The following MCM7 variants were observed in gnomAD, a reference collection of about 807,000 sequenced individuals.
MCM7 encodes the protein minichromosome maintenance complex component 7.
Under a neutral mutation model 83.5 loss-of-function variants are expected in MCM7, and 95 were observed. The observed-to-expected ratio is 1.14, with a 90% CI of 0.96 to 1.35. The LOEUF (loss-of-function observed/expected upper bound fraction) is 1.35. Among genes scored for constraint, MCM7 ranks in the 40% most tolerant of loss-of-function variants. The probability of loss-of-function intolerance (pLI) is 0.00; values close to 1 mark genes in which losing one functional copy is unlikely to be tolerated. For missense variants in MCM7, 1,087 were observed against 957.4 expected (o/e 1.14, Z -1.79); for synonymous variants, 461 against 352.7 (o/e 1.31, Z -3.44).
In MCM7 at chr7:100,100,468, T is replaced by TCCGCCACCGCACC. The variant is rs200080836; in HGVS notation, c.32-388_32-376dup. On this transcript the variant is annotated intron_variant, in intron 1 of 14. Coordinates refer to ENST00000303887, the MANE Select transcript of MCM7 (RefSeq NM_005916.5). ...CTTAGCCCCTGATTTCACCGGGACC[T>TCCGCCACCGCACC]CCGCCACCGCACCCCGCCACCGCAC... 800 of 995,048 alleles carry TCCGCCACCGCACC rather than the reference T, an allele frequency of 8.0e-4. 2 individuals are homozygous for TCCGCCACCGCACC. The highest frequency in any genetic ancestry group is 4.5e-3 in the African/African-American group (256 of 57,172). 61.6% of individuals were successfully genotyped at this position (995,048 alleles called of 1,614,324 possible).
At chr7:100,096,681 A>G (rs1795651415) in intron 10 of MCM7, among the ~76,000 whole-genome samples, 2 of 152,024 alleles carry the variant, frequency 1.3e-5, no homozygotes. Flanking sequence ...AGGCCGAAGC[A>G]GGAGAATTGC....
chr7:100,101,184 CA>C, intron 1 of MCM7, 79 bp downstream of exon 1: 1 of 1,577,976 alleles, frequency 6.3e-7, no homozygotes, highest in Non-Finnish European at 8.7e-7. Context: ...CCCGGTCCCC[CA>C]AGACCCCAGC....
chr7:100,093,731 G>A, intron 13 of MCM7: 1 of 640,838 alleles, frequency 1.6e-6, no homozygotes, highest in South Asian at 1.4e-5. Flanking sequence ...AGCTTGGGGA[G>A]CTCAGCCAAG....
At position 100,101,370 on chromosome 7, in the gene MCM7, G is replaced by T; in HGVS notation, c.-76C>A. ...CTGGGGAAGCTGAGAATCTCCGCGC[G>T]GTGGACTGTGGCCGGCCAACCGAAA... On this transcript the variant is annotated 5_prime_UTR_variant, in exon 1 of 15. Coordinates refer to ENST00000303887, the MANE Select transcript of MCM7 (RefSeq NM_005916.5). The T allele has an allele frequency of 1.3e-6, 2 of 1,592,726 alleles. No individual in the cohort carries two copies. The highest frequency in any genetic ancestry group is 1.7e-6 in the Non-Finnish European group (2 of 1,166,220).
chr7:100,098,050 T>C (rs1795736957), intron 7 of MCM7, 91 bp downstream of exon 7: 3 of 1,582,298 alleles, frequency 1.9e-6, no homozygotes, highest in Non-Finnish European at 2.6e-6. Context: ...CTGTTTTGTT[T>C]GGGGTTTTGC....
At chr7:100,100,643 CA>C (rs1795940730) in intron 1 of MCM7, 1 of 989,952 alleles carries the variant, frequency 1.0e-6, no homozygotes, top group African/African-American at 1.7e-5. Flanking sequence ...ACCGCGATCC[CA>C]GCCCACTGCC....
At position 100,094,357 on chromosome 7, in the gene MCM7, CATGGGGAAGCAGAAGAGGGAG is replaced by C. The variant is rs757770601; in HGVS notation, c.1680-37_1680-17del. The stretch of plus-strand genomic sequence containing the variant: ...TATGTAACGCCTGTGGGGGAAGGTT[CATGGGGAAGCAGAAGAGGGAG>C]ATGGGGAAGGGAGTGAATATGAGCC... On this transcript the variant is annotated splice_polypyrimidine_tract_variant and intron_variant, in intron 12 of 14. Transcript: ENST00000303887. 1.9e-6 allele frequency: 3 copies of C among 1,613,468 alleles called. No individual in the cohort carries two copies. In the Admixed American group the frequency reaches 5.0e-5, roughly 27 times the overall value.
rs1308584154 is a variant in MCM7 at position 100,101,362 on chromosome 7, C to A, written c.-68G>T. 79 of 1,604,136 alleles carry A rather than the reference C, an allele frequency of 4.9e-5. No individual in the cohort carries two copies. Among genetic ancestry groups the A allele is most frequent in the Non-Finnish European group, 6.7e-5 (79 of 1,174,676 alleles). On this transcript the variant is annotated 5_prime_UTR_variant, in exon 1 of 15. Coordinates refer to ENST00000303887, the MANE Select transcript of MCM7 (RefSeq NM_005916.5). Reference sequence around the variant, plus strand: ...TCTTGCTCCTGGGGAAGCTGAGAATCTCCGCGCGGTGGACTGTGGCCGGCC... The same window carrying A: ...TCTTGCTCCTGGGGAAGCTGAGAATATCCGCGCGGTGGACTGTGGCCGGCC...
Position 100,099,597 on chromosome 7 carries a change from C to CCTTGTACTGAGGCAGCAGCT in MCM7, c.248_267dup (p.Glu90SerfsTer12), listed in dbSNP as rs765735120. 6.2e-7 allele frequency: 1 copy of CCTTGTACTGAGGCAGCAGCT among 1,613,972 alleles called. No individual in the cohort carries two copies. The highest frequency in any genetic ancestry group is 1.1e-5 in the South Asian group (1 of 91,082). ...GTTCTCTAACCACTCACTTCCCTCT[C>CCTTGTACTGAGGCAGCAGCT]CTTGTACTGAGGCAGCAGCTCTTGT... On this transcript the variant is annotated frameshift_variant, in exon 3 of 15. Transcript: ENST00000303887. LOFTEE classifies it high-confidence loss of function.
intron 11 of MCM7, 91 bp from the exon 12 acceptor site, chr7:100,095,561 TCA>T: frequency 2.9e-6 from 4 of 1,381,964 alleles, no homozygotes; most frequent in South Asian, 2.6e-5. Flanking sequence ...TGCCACTTCC[TCA>T]CAGTGTAGGA....
At chr7:100,099,863 C>A in intron 2 of MCM7, 110 bp from the exon 3 acceptor site, 4 of 1,479,664 alleles carry the variant, frequency 2.7e-6, no homozygotes, top group Non-Finnish European at 3.7e-6. Flanking sequence ...TGGGCATCCA[C>A]AGGGGAGAAC....
intron 3 of MCM7, 29 bp from the exon 4 acceptor site, chr7:100,099,432 AAAAAG>A (rs747954836): frequency 6.9e-6 from 11 of 1,587,816 alleles, no homozygotes; most frequent in Non-Finnish European, 9.4e-6. Context: ...AAAAAAAAAA[AAAAAG>A]AGCAACAGGA....
chr7:100,100,897 T>A, intron 1 of MCM7: 1 of 1,054,052 alleles, frequency 9.5e-7, no homozygotes, highest in African/African-American at 1.7e-5. Context: ...CGCGGGAACC[T>A]GGGAATGCCC....
At chr7:100,093,808 A>G in intron 13 of MCM7, 1 of 621,534 alleles carries the variant, frequency 1.6e-6, no homozygotes, top group South Asian at 1.4e-5. Flanking sequence ...TAGGTTGGGT[A>G]ATCACACTAC....
chr7:100,093,558 T>C (rs1225274654), intron 13 of MCM7, 157 bp from the exon 14 acceptor site: 7 of 802,458 alleles, frequency 8.7e-6, no homozygotes, highest in Non-Finnish European at 1.4e-5. Context: ...TCCGCAGTGT[T>C]GGGCCGGCAC....
Position 100,101,392 on chromosome 7 carries a change from G to A in MCM7, c.-98C>T. 6.5e-7 allele frequency: 1 copy of A among 1,540,796 alleles called. No individual in the cohort carries two copies. Among genetic ancestry groups the A allele is most frequent in the Admixed American group, 1.7e-5 (1 of 58,690 alleles). On this transcript the variant is annotated 5_prime_UTR_variant, in exon 1 of 15. Coordinates refer to ENST00000303887, the MANE Select transcript of MCM7 (RefSeq NM_005916.5). ...CGCGGTGGACTGTGGCCGGCCAACC[G>A]AAATTGGCGCGAAACGTCGCCCCCC...
chr7:100,099,204 C>G lies in MCM7; in HGVS notation c.402-1G>C, dbSNP rs1795803730. 1 of 1,613,942 alleles carries G rather than the reference C, an allele frequency of 6.2e-7. No homozygotes were observed. The highest frequency in any genetic ancestry group is 1.1e-5 in the South Asian group (1 of 91,082). ...GCTAGGGCCTTGAAAATACAGCTCA[C>G]TAAGGGGAGAAAACAGTCACAAACA... On this transcript the variant is annotated splice_acceptor_variant, in intron 4 of 14. Transcript: ENST00000303887. LOFTEE classifies it high-confidence loss of function.
Position 100,097,954 on chromosome 7 carries a change from G to A in MCM7, c.871-6C>T, listed in dbSNP as rs1415712245. ...TAGGTTTCTGAGAGTAAACCCTTGG[G>A]CAGGAAAATGCCAGGATACAGATGT... On this transcript the variant is annotated splice_polypyrimidine_tract_variant and splice_region_variant and intron_variant, in intron 7 of 14. Transcript: ENST00000303887. The A allele has an allele frequency of 3.7e-6, 6 of 1,612,582 alleles. No homozygotes were observed. The highest frequency in any genetic ancestry group is 2.2e-5 in the East Asian group (1 of 44,874).
Position 100,098,691 on chromosome 7 carries a change from G to C in MCM7, c.607C>G (p.Leu203Val). 6.2e-7 allele frequency: 1 copy of C among 1,614,174 alleles called. No homozygotes were observed. The highest frequency in any genetic ancestry group is 1.7e-5 in the Admixed American group (1 of 60,010). The change falls in exon 6 of 15, where the codon CTG (leucine) becomes GTG (valine). Residue 203 changes from leucine to valine, a missense_variant. Coordinates refer to ENST00000303887, the MANE Select transcript of MCM7 (RefSeq NM_005916.5). ...CACTCCTGGCTTGGGCACATGATCA[G>C]AGGCATGAAAGTGGGAGACTGGATC... ...QPIQSPTFMP[L>V]IMCPSQECQT...
Sources: allele counts gnomAD v4.1 joint callset (sites outside exome capture counted in the v4.1 genomes callset), GRCh38; gene constraint gnomAD v4.1.1; transcripts MANE v1.5; gene names NCBI Gene and HGNC (gene_info 2026-07-23, HGNC 2026-07-21).